The following NLGN1 variants were observed in gnomAD, a reference collection of about 807,000 sequenced individuals.
The protein encoded by NLGN1 is neuroligin 1.
NLGN1 carries 12 observed loss-of-function variants against 65.5 expected under a neutral mutation model. That is an observed-to-expected ratio of 0.18 (90% CI 0.12 to 0.30). The LOEUF is 0.30. NLGN1 is among the 10% of genes least tolerant of loss of function. The pLI, the probability that NLGN1 is intolerant of heterozygous loss-of-function variation, is 1.00. For synonymous variants in NLGN1, 350 were observed against 359.5 expected (o/e 0.97, Z 0.30); for missense variants, 750 against 1,007.1 (o/e 0.74, Z 3.46).
chr3:173,916,033 A>G (rs1740665202), intron 4 of NLGN1, among the ~76,000 whole-genome samples: 1 of 152,148 alleles, frequency 6.6e-6, no homozygotes, highest in South Asian at 2.1e-4. Flanking sequence ...GTGGGTTAAC[A>G]TGAGCATGTT....
chr3:173,574,264 A>G (rs1257162825), intron 2 of NLGN1, among the ~76,000 whole-genome samples: 3 of 151,848 alleles, frequency 2.0e-5, no homozygotes, highest in East Asian at 3.9e-4. Flanking sequence ...TTTTAAGTCA[A>G]TTGAATGCTG....
chr3:173,733,696 C>T (rs1294993050), intron 3 of NLGN1, among the ~76,000 whole-genome samples: 1 of 152,006 alleles, frequency 6.6e-6, no homozygotes, highest in African/African-American at 2.4e-5. Context: ...ACCATTTTTG[C>T]TGTGTATTAG....
chr3:174,250,624 G>A (rs922569548), intron 4 of NLGN1, among the ~76,000 whole-genome samples: 1 of 152,142 alleles, frequency 6.6e-6, no homozygotes, highest in African/African-American at 2.4e-5. Context: ...CTGAGTCAAA[G>A]AGACAGAGGA....
chr3:174,102,892 AC>A (rs1327813622), intron 4 of NLGN1, among the ~76,000 whole-genome samples: 1 of 152,140 alleles, frequency 6.6e-6, no homozygotes, highest in Non-Finnish European at 1.5e-5. Context: ...CTAATTAAGC[AC>A]CACCTTAAGA....
intron 4 of NLGN1, among the ~76,000 whole-genome samples, chr3:174,223,377 T>C (rs1221536674): frequency 6.6e-6 from 1 of 152,214 alleles, no homozygotes; most frequent in African/African-American, 2.4e-5. Context: ...GCAAGCAAAG[T>C]ATCAAACACG....
At chr3:173,700,969 C>CA (rs1280090373) in intron 3 of NLGN1, among the ~76,000 whole-genome samples, 3 of 152,062 alleles carry the variant, frequency 2.0e-5, no homozygotes, top group Admixed American at 6.5e-5. Context: ...ACTAAAAATA[C>CA]AAAAAATTAG....
chr3:174,212,316 A>T (rs1736822819), intron 4 of NLGN1, among the ~76,000 whole-genome samples: 1 of 152,200 alleles, frequency 6.6e-6, no homozygotes, highest in South Asian at 2.1e-4. Flanking sequence ...CTGGCCCGCA[A>T]GCGCCGTGCG....
chr3:173,657,782 T>TA (rs1244760010), intron 3 of NLGN1, among the ~76,000 whole-genome samples: 1 of 151,634 alleles, frequency 6.6e-6, no homozygotes, highest in African/African-American at 2.4e-5. Context: ...GGAAGGAAGG[T>TA]AGGAAGGAAG....
At chr3:173,699,085 A>C (rs1282595660) in intron 3 of NLGN1, among the ~76,000 whole-genome samples, 1 of 152,076 alleles carries the variant, frequency 6.6e-6, no homozygotes, top group Non-Finnish European at 1.5e-5. Flanking sequence ...CAAATTCCCG[A>C]CCACAGGTGA....
chr3:173,847,054 G>T (rs1384344658), intron 4 of NLGN1, among the ~76,000 whole-genome samples: 2 of 151,958 alleles, frequency 1.3e-5, no homozygotes, highest in African/African-American at 4.8e-5. Context: ...ATGTTAAACT[G>T]CCCATGATGC....
intron 1 of NLGN1, among the ~76,000 whole-genome samples, chr3:173,424,660 T>C (rs1025266322): frequency 6.6e-6 from 1 of 152,198 alleles, no homozygotes; most frequent in Non-Finnish European, 1.5e-5. Context: ...AAGCATAGCA[T>C]GAGTGACCTT....
At chr3:173,670,658 A>G (rs1762327884) in intron 3 of NLGN1, among the ~76,000 whole-genome samples, 1 of 152,152 alleles carries the variant, frequency 6.6e-6, no homozygotes, top group African/African-American at 2.4e-5. Flanking sequence ...TGGTTCAGAA[A>G]GTTCTTTGCT....
At chr3:173,824,975 T>A (rs768725209) in intron 4 of NLGN1, among the ~76,000 whole-genome samples, 9 of 152,060 alleles carry the variant, frequency 5.9e-5, no homozygotes, top group Non-Finnish European at 1.0e-4. Flanking sequence ...GTTCTTTCAG[T>A]TTTGTGAGTA....
At chr3:173,881,084 C>T (rs367920098) in intron 4 of NLGN1, among the ~76,000 whole-genome samples, 17 of 150,380 alleles carry the variant, frequency 1.1e-4, no homozygotes, top group African/African-American at 3.7e-4. Context: ...TCTTCAGGCT[C>T]CCTCCTTTTT....
intron 3 of NLGN1, among the ~76,000 whole-genome samples, chr3:173,761,990 T>G (rs185171999): frequency 2.0e-5 from 3 of 152,114 alleles, no homozygotes; most frequent in African/African-American, 7.2e-5. Flanking sequence ...GTTGAAGGGT[T>G]ACAGAATGTT....
intron 3 of NLGN1, among the ~76,000 whole-genome samples, chr3:173,702,050 T>A (rs1767256471): frequency 6.6e-6 from 1 of 151,818 alleles, no homozygotes. Flanking sequence ...CCATCCCGGC[T>A]AAAACGGTGA....
At chr3:174,209,623 C>CTTTTTTTTTTTTTTTTTTTTTT (rs796169913) in intron 4 of NLGN1, among the ~76,000 whole-genome samples, 1 of 82,072 alleles carries the variant, frequency 1.2e-5, no homozygotes, top group African/African-American at 4.9e-5. Flanking sequence ...ACCTTTCTTT[C>CTTTTTTTTTTTTTTTTTTTTTT]TTTTTTTTTT....
chr3:173,863,060 A>G (rs896868178), intron 4 of NLGN1, among the ~76,000 whole-genome samples: 4 of 152,180 alleles, frequency 2.6e-5, no homozygotes, highest in African/African-American at 9.7e-5. Flanking sequence ...GTCTATGTGA[A>G]CCAGTAAGAA....
At chr3:174,008,757 A>C (rs1724945655) in intron 4 of NLGN1, among the ~76,000 whole-genome samples, 1 of 152,070 alleles carries the variant, frequency 6.6e-6, no homozygotes, top group Admixed American at 6.6e-5. Flanking sequence ...GAGTAAGCAA[A>C]TGTCTTCACA....
Sources: gnomAD v4.1 joint callset for allele counts (sites outside exome capture counted in the v4.1 genomes callset) on GRCh38, gnomAD v4.1.1 for gene constraint, MANE v1.5 for transcripts, NCBI Gene and HGNC (gene_info 2026-07-23, HGNC 2026-07-21) for gene names.